Variants in CDH10 observed in about 807,000 individuals in gnomAD.
CDH10 encodes the protein cadherin 10, also known as cadherin-10.
CDH10 carries 30 observed loss-of-function variants against 73.1 expected under a neutral mutation model. The observed-to-expected ratio is 0.41, with a 90% CI of 0.31 to 0.56. CDH10 has a LOEUF of 0.56. Among genes scored for constraint, CDH10 ranks in the 20% least tolerant of loss-of-function variants. The pLI is 0.27. For missense variants in CDH10, 815 were observed against 973.7 expected (o/e 0.84, Z 2.17); for synonymous variants, 345 against 348.2 (o/e 0.99, Z 0.10).
intron 10 of CDH10, 134 bp downstream of exon 10, chr5:24,492,683 C>A: frequency 1.8e-6 from 1 of 548,226 alleles, no homozygotes; most frequent in Non-Finnish European, 3.3e-6. Context: ...CTAAATATAT[C>A]AAATACTTGA....
intron 5 of CDH10, among the ~76,000 whole-genome samples, chr5:24,525,040 T>C (rs1261108989): frequency 3.9e-5 from 6 of 152,120 alleles, no homozygotes; most frequent in Non-Finnish European, 8.8e-5. Context: ...AATTGACAGC[T>C]CACGTGAGTA....
chr5:24,576,610 T>C (rs1212004101), intron 2 of CDH10, among the ~76,000 whole-genome samples: 1 of 151,926 alleles, frequency 6.6e-6, no homozygotes, highest in Non-Finnish European at 1.5e-5. Flanking sequence ...GTCAGTCAAA[T>C]AGTATTAGAT....
At chr5:24,561,354 A>G in intron 2 of CDH10, among the ~76,000 whole-genome samples, 1 of 151,812 alleles carries the variant, frequency 6.6e-6, no homozygotes, top group East Asian at 1.9e-4. Context: ...CAAGACAAAT[A>G]AAATTAAAAA....
chr5:24,551,917 G>A (rs1424452246), intron 2 of CDH10, among the ~76,000 whole-genome samples: 3 of 151,524 alleles, frequency 2.0e-5, no homozygotes, highest in African/African-American at 4.8e-5. Flanking sequence ...ATCATCTTAG[G>A]GTTCTTGGTC....
In CDH10 at chr5:24,589,185, T is replaced by C. The variant is rs185428936; in HGVS notation, c.231+4075A>G. ...GAAGGAATAAACACTTCATGCATAG[T>C]GGGTGTTTGGAGCCGACAAGTCTAT... On this transcript the variant is annotated intron_variant, in intron 2 of 11. Coordinates refer to ENST00000264463, the MANE Select transcript of CDH10 (RefSeq NM_006727.5). Among the ~76,000 whole-genome samples, 304 of 152,124 alleles carry C rather than the reference T, an allele frequency of 2.0e-3. 1 individual carries two copies. Among genetic ancestry groups the C allele is most frequent in the African/African-American group, 6.9e-3 (287 of 41,484 alleles).
At chr5:24,549,081 A>G (rs561595222) in intron 2 of CDH10, among the ~76,000 whole-genome samples, 20 of 152,336 alleles carry the variant, frequency 1.3e-4, no homozygotes, top group Middle Eastern at 6.8e-3. Flanking sequence ...AGAAAAATGT[A>G]AGTTTAATCT....
chr5:24,557,952 A>G (rs10462252), intron 2 of CDH10, among the ~76,000 whole-genome samples: 125,698 of 151,668 alleles, frequency 0.83, 52,136 homozygotes, highest in East Asian at 0.9. Flanking sequence ...ATTTGGCTTA[A>G]AACTTTCAAC....
intron 1 of CDH10, among the ~76,000 whole-genome samples, chr5:24,634,881 C>T (rs181717947): frequency 3.7e-4 from 56 of 151,534 alleles, no homozygotes; most frequent in African/African-American, 1.3e-3. Context: ...CTTTTAAAAA[C>T]GTATTTATGA....
chr5:24,633,110 T>C (rs1747757282), intron 1 of CDH10, among the ~76,000 whole-genome samples: 1 of 11,478 alleles, frequency 8.7e-5, no homozygotes, highest in African/African-American at 2.4e-4. Context: ...CTTCAGATAA[T>C]AAAGTAAAGA....
intron 1 of CDH10, among the ~76,000 whole-genome samples, chr5:24,636,338 T>C (rs187355704): frequency 2.6e-5 from 4 of 152,124 alleles, no homozygotes; most frequent in Admixed American, 2.6e-4. Flanking sequence ...TGCTTTTATC[T>C]GTCAAAGGAC....
intron 1 of CDH10, among the ~76,000 whole-genome samples, chr5:24,626,792 A>G (rs896155152): frequency 6.7e-6 from 1 of 149,052 alleles, no homozygotes; most frequent in Admixed American, 6.8e-5. Flanking sequence ...ATATATATAT[A>G]TGTGTGTGTG....
At chr5:24,530,744 A>C (rs961092267) in intron 5 of CDH10, among the ~76,000 whole-genome samples, 1 of 152,032 alleles carries the variant, frequency 6.6e-6, no homozygotes, top group Non-Finnish European at 1.5e-5. Flanking sequence ...ACTTTTAGAT[A>C]TCAGGATTTA....
chr5:24,494,066 T>C (rs761507611), intron 9 of CDH10, among the ~76,000 whole-genome samples: 5 of 151,944 alleles, frequency 3.3e-5, no homozygotes, highest in Non-Finnish European at 7.4e-5. Flanking sequence ...ATACAAGAAA[T>C]ATAATTGGAC....
chr5:24,535,023 A>G lies in CDH10; in HGVS notation c.814+89T>C, dbSNP rs1315910270. 4.1e-6 allele frequency: 5 copies of G among 1,221,110 alleles called. No individual in the cohort carries two copies. The South Asian group carries it at 6.3e-5, about 15-fold the overall frequency. The allele number at this position is 1,221,110 out of a possible 1,614,324, so 75.6% of individuals were successfully genotyped here. The stretch of plus-strand genomic sequence containing the variant: ...TATGTTTTAAATTAAATGAATGACA[A>G]TTGCTTTTTCTTTTCTTTTTCTTTC... On this transcript the variant is annotated intron_variant, in intron 5 of 11. Transcript: ENST00000264463.
intron 3 of CDH10, 98 bp from the exon 4 acceptor site, chr5:24,535,920 C>T: frequency 1.3e-6 from 1 of 779,276 alleles, no homozygotes; most frequent in Non-Finnish European, 1.9e-6. Flanking sequence ...TGGCTTTAAT[C>T]ATGACCTCTT....
chr5:24,574,556 T>C (rs1178233781), intron 2 of CDH10, among the ~76,000 whole-genome samples: 2 of 151,966 alleles, frequency 1.3e-5, no homozygotes, highest in Non-Finnish European at 2.9e-5. Context: ...ACGGTGTCAC[T>C]ACTTGAGATC....
At chr5:24,608,356 G>A (rs12187373) in intron 1 of CDH10, among the ~76,000 whole-genome samples, 11,197 of 151,990 alleles carry the variant, frequency 0.074, 520 homozygotes, top group South Asian at 0.16. Flanking sequence ...GTAGTGGCGC[G>A]ATCTTGGCTC....
At chr5:24,636,770 TG>T (rs1274038088) in intron 1 of CDH10, among the ~76,000 whole-genome samples, 2 of 151,942 alleles carry the variant, frequency 1.3e-5, no homozygotes, top group African/African-American at 4.8e-5. Flanking sequence ...TTGATGGGGA[TG>T]GGTATATTAG....
chr5:24,551,124 T>C lies in CDH10; in HGVS notation c.232-13450A>G, dbSNP rs1052314567. ...GCCTGTCACTTTGGCCTCATCCTTT[T>C]CCATTCTTAAGCCATATAAGCCTAA... On this transcript the variant is annotated intron_variant, in intron 2 of 11. Transcript: ENST00000264463. Among the ~76,000 whole-genome samples, 4 of 152,120 alleles carry C rather than the reference T, an allele frequency of 2.6e-5. No individual in the cohort carries two copies. The East Asian group carries it at 5.8e-4, about 22-fold the overall frequency.
Sources: gnomAD v4.1 joint callset for allele counts (sites outside exome capture counted in the v4.1 genomes callset) on GRCh38, gnomAD v4.1.1 for gene constraint, MANE v1.5 for transcripts, NCBI Gene and HGNC (gene_info 2026-07-23, HGNC 2026-07-21) for gene names.